Variants in CALN1 observed in about 807,000 individuals in gnomAD.
CALN1 encodes the protein calcium-binding protein 8.
Under a neutral mutation model 30.6 loss-of-function variants are expected in CALN1, and 17 were observed. That is an observed-to-expected ratio of 0.56 (90% CI 0.38 to 0.83). The LOEUF (loss-of-function observed/expected upper bound fraction) is 0.83. CALN1 is among the 40% of genes least tolerant of loss of function. The probability of loss-of-function intolerance (pLI) is 0.00; values close to 1 mark genes in which losing one functional copy is unlikely to be tolerated. For synonymous variants in CALN1, 156 were observed against 131.4 expected, an observed-to-expected ratio of 1.19 and a Z score of -1.28; for missense variants, 291 against 354.9, an observed-to-expected ratio of 0.82 and a Z score of 1.45.
At chr7:72,163,365 A>C (rs900069946) in intron 3 of CALN1, among the ~76,000 whole-genome samples, 6 of 148,540 alleles carry the variant, frequency 4.0e-5, no homozygotes, top group African/African-American at 1.5e-4. Context: ...TCCACAATGT[A>C]CTACAAGAAA....
chr7:71,806,979 C>A (rs928584303), intron 6 of CALN1, among the ~76,000 whole-genome samples: 1 of 152,174 alleles, frequency 6.6e-6, no homozygotes, highest in Admixed American at 6.5e-5. Context: ...GGCATAAGAA[C>A]CTGGTGGTCC....
intron 5 of CALN1, among the ~76,000 whole-genome samples, chr7:71,820,470 A>G (rs552901112): frequency 1.3e-5 from 2 of 152,204 alleles, no homozygotes; most frequent in Non-Finnish European, 2.9e-5. Context: ...CTCAGAATAA[A>G]TATCTTCACG....
chr7:72,315,177 C>CA (rs532087725), intron 2 of CALN1, among the ~76,000 whole-genome samples: 115 of 151,772 alleles, frequency 7.6e-4, no homozygotes, highest in African/African-American at 2.5e-3. Context: ...ATAATAAACA[C>CA]AAAGTTAAAA....
intron 5 of CALN1, among the ~76,000 whole-genome samples, chr7:71,933,338 A>G (rs1795660136): frequency 6.6e-6 from 1 of 152,106 alleles, no homozygotes; most frequent in Admixed American, 6.5e-5. Context: ...CATAAAGAAG[A>G]CACTGCCTCC....
intron 5 of CALN1, among the ~76,000 whole-genome samples, chr7:71,811,301 G>A (rs1222786654): frequency 6.6e-6 from 1 of 152,106 alleles, no homozygotes; most frequent in Non-Finnish European, 1.5e-5. Context: ...TTGAACTCCT[G>A]GGCTGAAGCC....
chr7:72,281,382 G>A (rs1797725097), intron 2 of CALN1, among the ~76,000 whole-genome samples: 1 of 152,072 alleles, frequency 6.6e-6, no homozygotes, highest in Non-Finnish European at 1.5e-5. Context: ...GACATCCATG[G>A]TCCAGAAAAT....
intron 6 of CALN1, among the ~76,000 whole-genome samples, chr7:71,793,802 G>A (rs897997472): frequency 5.9e-5 from 9 of 152,136 alleles, no homozygotes; most frequent in East Asian, 5.8e-4. Flanking sequence ...CTTGAACCCA[G>A]GAGGCAGAGG....
intron 5 of CALN1, among the ~76,000 whole-genome samples, chr7:71,870,143 G>A (rs546075798): frequency 7.9e-5 from 12 of 152,176 alleles, no homozygotes; most frequent in Non-Finnish European, 1.8e-4. Flanking sequence ...AGCACTTTGG[G>A]AGTCCGAGGT....
At chr7:72,411,007 A>G (rs1012540570) in intron 1 of CALN1, among the ~76,000 whole-genome samples, 1 of 152,220 alleles carries the variant, frequency 6.6e-6, no homozygotes, top group Non-Finnish European at 1.5e-5. Context: ...CAAAGAATTC[A>G]TGAAAAAACG....
intron 5 of CALN1, among the ~76,000 whole-genome samples, chr7:71,870,889 T>C (rs775278433): frequency 3.0e-4 from 46 of 152,176 alleles, no homozygotes; most frequent in Non-Finnish European, 5.0e-4. Context: ...CTAGGTGGGA[T>C]TGTACTTTTA....
intron 2 of CALN1, among the ~76,000 whole-genome samples, chr7:72,363,507 G>A (rs1803688362): frequency 6.6e-6 from 1 of 151,944 alleles, no homozygotes; most frequent in South Asian, 2.1e-4. Flanking sequence ...CCATAGTGTT[G>A]GGATTACAGG....
Position 71,940,489 on chromosome 7 carries a change from TTCTC to T in CALN1, c.501+83164_501+83167del, listed in dbSNP as rs1584561456. 2.0e-5 allele frequency among the ~76,000 whole-genome samples: 3 copies of T among 152,350 alleles called. No homozygotes were observed. In the South Asian group the frequency reaches 6.2e-4, roughly 32 times the overall value. ...ATATCAGGCTTATGTCAATGCACTC[TTCTC>T]TCTGACTTTTTGGACCCTCAAGTCT... is the stretch of plus-strand genomic sequence containing the variant. On this transcript the variant is annotated intron_variant, in intron 5 of 6. Transcript: ENST00000395275.
intron 2 of CALN1, among the ~76,000 whole-genome samples, chr7:72,383,957 C>T (rs1021593884): frequency 6.6e-6 from 1 of 152,090 alleles, no homozygotes; most frequent in Non-Finnish European, 1.5e-5. Flanking sequence ...GGGTATATAC[C>T]CAAAGGATTA....
chr7:72,363,724 C>A (rs1314272612), intron 2 of CALN1, among the ~76,000 whole-genome samples: 4 of 111,864 alleles, frequency 3.6e-5, no homozygotes, highest in South Asian at 3.1e-4. Context: ...TTAAAAAAAA[C>A]TTTTTTTTTT....
chr7:72,213,911 C>T (rs1025693137), intron 3 of CALN1, among the ~76,000 whole-genome samples: 1 of 152,184 alleles, frequency 6.6e-6, no homozygotes, highest in East Asian at 1.9e-4. Flanking sequence ...ACCAGGGCTA[C>T]GAGGCAAAGG....
intron 2 of CALN1, among the ~76,000 whole-genome samples, chr7:72,323,502 A>C (rs1248986100): frequency 6.6e-6 from 1 of 152,010 alleles, no homozygotes; most frequent in Non-Finnish European, 1.5e-5. Flanking sequence ...TCTACTAAAA[A>C]TATTTTAAAA....
chr7:72,085,432 T>C (rs768265460), intron 4 of CALN1, among the ~76,000 whole-genome samples: 34 of 152,182 alleles, frequency 2.2e-4, no homozygotes, highest in Non-Finnish European at 4.6e-4. Context: ...TATTTTATCA[T>C]TAGTTATTGT....
upstream of CALN1, among the ~76,000 whole-genome samples, chr7:72,451,659 T>C (rs1307948271): frequency 1.3e-5 from 2 of 152,120 alleles, no homozygotes; most frequent in African/African-American, 4.8e-5. Flanking sequence ...AGGTTCACCA[T>C]TGGCACCCCT....
intron 1 of CALN1, among the ~76,000 whole-genome samples, chr7:72,408,596 AAG>A (rs1806869894): frequency 6.6e-6 from 1 of 151,984 alleles, no homozygotes; most frequent in Admixed American, 6.6e-5. Flanking sequence ...CATGGGATAC[AAG>A]TGCAATTTTG....
Sources: gnomAD v4.1 joint callset for allele counts (sites outside exome capture counted in the v4.1 genomes callset) on GRCh38, gnomAD v4.1.1 for gene constraint, MANE v1.5 for transcripts, NCBI Gene and HGNC (gene_info 2026-07-23, HGNC 2026-07-21) for gene names.